SCD: variants seen among roughly 807,000 people sequenced by gnomAD.
SCD encodes acyl-CoA desaturase.
In SCD, 4 loss-of-function variants were observed where a neutral mutation model predicts 35.7. The observed-to-expected ratio is 0.11, with a 90% CI of 0.06 to 0.26. The LOEUF is 0.26. Among genes scored for constraint, SCD ranks in the 10% least tolerant of loss-of-function variants. The pLI, the probability that SCD is intolerant of heterozygous loss-of-function variation, is 1.00. For synonymous variants in SCD, 150 were observed against 170.2 expected (o/e 0.88, Z 0.92); for missense variants, 282 against 460.7 (o/e 0.61, Z 3.55).
rs200813016 is a variant in SCD, at chr10:100,364,527, T to A, written c.*3594T>A. 5.2e-5 allele frequency: 8 copies of A among 152,622 alleles called. No individual in the cohort carries two copies. Among genetic ancestry groups the A allele is most frequent in the Non-Finnish European group, 1.2e-4 (8 of 68,038 alleles). The allele number at this position is 152,622 out of a possible 1,614,324, so 9.5% of individuals were successfully genotyped here. ...GTCCACCATGAACTTGATACGTCCG[T>A]GTGTCCCAGATGCTGTCATTAGTCT... is the stretch of plus-strand genomic sequence containing the variant. On this transcript the variant is annotated 3_prime_UTR_variant, in exon 6 of 6. Coordinates refer to ENST00000370355, the MANE Select transcript of SCD (RefSeq NM_005063.5).
intron 4 of SCD, among the ~76,000 whole-genome samples, chr10:100,355,861 C>CT (rs1716468067): frequency 6.6e-6 from 1 of 152,116 alleles, no homozygotes; most frequent in South Asian, 2.1e-4. Context: ...ATCAAGGACA[C>CT]TCAATGGGTC....
In SCD at chr10:100,347,418, C is replaced by A. The variant is rs1849807718; in HGVS notation, c.-87C>A. ...CCGCGGCTCAGCGCGTACCGGCGGG[C>A]TTCGAAACCGCAGTCCTCCGGCGAC... On this transcript the variant is annotated 5_prime_UTR_variant, in exon 1 of 6. Transcript: ENST00000370355. 13 of 1,452,894 alleles carry A rather than the reference C, an allele frequency of 8.9e-6. No homozygotes were observed. Among genetic ancestry groups the A allele is most frequent in the Non-Finnish European group, 1.1e-5 (12 of 1,057,092 alleles). 90.0% of individuals were successfully genotyped at this position (1,452,894 alleles called of 1,614,324 possible).
chr10:100,354,582 G>A lies in SCD; in HGVS notation c.597G>A (p.Thr199=), dbSNP rs756517741. 7 of 1,614,068 alleles carry A rather than the reference G, an allele frequency of 4.3e-6. No homozygotes were observed. The Admixed American group carries it at 5.0e-5, about 12-fold the overall frequency. ...CAGCTGTCAAAGAGAAGGGGAGTACGCTAGACTTGTCTGACCTAGAAGCTG... is the reference window on the plus strand; with the variant it reads ...CAGCTGTCAAAGAGAAGGGGAGTACACTAGACTTGTCTGACCTAGAAGCTG... ...KHPAVKEKGS[T]LDLSDLEAEK... Residue 199 remains threonine (T), a synonymous_variant, in exon 4 of 6, where the codon ACG becomes ACA. Transcript: ENST00000370355.
chr10:100,350,867 G>A (rs1289234055), intron 2 of SCD, among the ~76,000 whole-genome samples: 1 of 152,156 alleles, frequency 6.6e-6, no homozygotes, highest in East Asian at 1.9e-4. Context: ...CAGATCACCT[G>A]GGGCCTCAGT....
chr10:100,362,547 C>T lies in SCD; in HGVS notation c.*1614C>T, dbSNP rs1194860082. On this transcript the variant is annotated 3_prime_UTR_variant, in exon 6 of 6. Coordinates refer to ENST00000370355, the MANE Select transcript of SCD (RefSeq NM_005063.5). ...CTTTCTCTTCCCTGAACGTTTTCTT[C>T]TTTCCCTGGACAGGCAGCCTCCTTT... 2.0e-5 allele frequency: 3 copies of T among 152,314 alleles called. No individual in the cohort carries two copies. The highest frequency in any genetic ancestry group is 4.8e-5 in the African/African-American group (2 of 41,444). The allele number at this position is 152,314 out of a possible 1,614,324, so 9.4% of individuals were successfully genotyped here. A position where few individuals can be genotyped will look rare whatever the true frequency, so the allele number is the denominator to read the frequency against.
intron 2 of SCD, among the ~76,000 whole-genome samples, chr10:100,349,635 C>T (rs750734710): frequency 6.6e-6 from 1 of 152,112 alleles, no homozygotes; most frequent in Non-Finnish European, 1.5e-5. Flanking sequence ...TTCTAGGTAC[C>T]ACCTGTGGGC....
chr10:100,354,337 G>A, intron 3 of SCD, 90 bp from the exon 4 acceptor site: 3 of 1,155,916 alleles, frequency 2.6e-6, no homozygotes, highest in Non-Finnish European at 3.9e-6. Context: ...GTTGGGCTGA[G>A]CGCCTTGGGC....
At position 100,356,909 on chromosome 10, in the gene SCD, T is replaced by A; in HGVS notation, c.880+145T>A. On this transcript the variant is annotated intron_variant, in intron 5 of 5. Transcript: ENST00000370355. The surrounding 1 kb of genome is among the most constrained non-coding windows in gnomAD (Gnocchi z 4.1). ...ACTATAAAATTAGGGGGCAGTATACTGGAAAACGCTTTTGAGAGTCAGGCA... is the reference window on the plus strand; with the variant it reads ...ACTATAAAATTAGGGGGCAGTATACAGGAAAACGCTTTTGAGAGTCAGGCA... 1 of 646,354 alleles carries A rather than the reference T, an allele frequency of 1.5e-6. No individual in the cohort carries two copies. 40.0% of individuals were successfully genotyped at this position (646,354 alleles called of 1,614,324 possible).
At chr10:100,353,492 G>A (rs567592154) in intron 3 of SCD, among the ~76,000 whole-genome samples, 5 of 151,706 alleles carry the variant, frequency 3.3e-5, no homozygotes, top group Admixed American at 3.3e-4. Flanking sequence ...GGCTGAGGCA[G>A]GAGAATGGTG....
intron 2 of SCD, among the ~76,000 whole-genome samples, chr10:100,348,636 T>G (rs960936276): frequency 6.6e-5 from 10 of 152,034 alleles, no homozygotes; most frequent in African/African-American, 2.2e-4. Context: ...TCTGTTTGAG[T>G]CATTTGCTTG....
rs1849810448 is a variant in SCD, at chr10:100,347,499, G to A, written c.-6G>A. 1.9e-6 allele frequency: 3 copies of A among 1,613,940 alleles called. No homozygotes were observed. The highest frequency in any genetic ancestry group is 2.5e-6 in the Non-Finnish European group (3 of 1,179,982). The stretch of plus-strand genomic sequence containing the variant: ...TGGAAAGTGATCCCGGCATCCGAGA[G>A]CCAAGATGCCGGCCCACTTGCTGCA... On this transcript the variant is annotated 5_prime_UTR_variant, in exon 1 of 6. Transcript: ENST00000370355.
chr10:100,363,429 A>C lies in SCD; in HGVS notation c.*2496A>C, dbSNP rs1589701233. ...GGCTACAGGGGTTAGCCTGGACTAA[A>C]GGCATCCTTGTCTTTTGAGCTATTC... On this transcript the variant is annotated 3_prime_UTR_variant, in exon 6 of 6. Coordinates refer to ENST00000370355, the MANE Select transcript of SCD (RefSeq NM_005063.5). 6.6e-6 allele frequency: 1 copy of C among 152,368 alleles called. No individual in the cohort carries two copies. The highest frequency in any genetic ancestry group is 1.9e-4 in the East Asian group (1 of 5,188). The allele number at this position is 152,368 out of a possible 1,614,324, so 9.4% of individuals were successfully genotyped here. A position where few individuals can be genotyped will look rare whatever the true frequency, so the allele number is the denominator to read the frequency against.
At chr10:100,359,646 C>A (rs1282455704) in intron 5 of SCD, among the ~76,000 whole-genome samples, 1 of 152,136 alleles carries the variant, frequency 6.6e-6, no homozygotes. Flanking sequence ...TTGAAATGCC[C>A]TAGATGATGT....
rs556438079 is a variant in SCD at position 100,347,558 on chromosome 10, C to T, written c.27+27C>T. On this transcript the variant is annotated intron_variant, in intron 1 of 5. Transcript: ENST00000370355. Reference sequence around the variant, plus strand: ...TGAGTTTCCCAGCCTGGCCCCGTACCGCCGGGTCGCAGGCGCGGGCTGGGC... The same window carrying T: ...TGAGTTTCCCAGCCTGGCCCCGTACTGCCGGGTCGCAGGCGCGGGCTGGGC... 74 of 1,612,956 alleles carry T rather than the reference C, an allele frequency of 4.6e-5. 1 individual carries two copies. The South Asian group carries it at 5.1e-4, about 11-fold the overall frequency.
In SCD at chr10:100,364,220, T is replaced by G. The variant is rs201681706; in HGVS notation, c.*3287T>G. ...TGGGTGTATTCTCTGTAAGTGTAGC[T>G]CAAATAGGTCATCATGAAAGGTTAA... On this transcript the variant is annotated 3_prime_UTR_variant, in exon 6 of 6. Transcript: ENST00000370355. The G allele has an allele frequency of 1.3e-5, 2 of 151,922 alleles. No homozygotes were observed. The highest frequency in any genetic ancestry group is 2.9e-5 in the Non-Finnish European group (2 of 68,000). 9.4% of individuals were successfully genotyped at this position (151,922 alleles called of 1,614,324 possible). A position where few individuals can be genotyped will look rare whatever the true frequency, so the allele number is the denominator to read the frequency against.
rs1399026653 is a variant in SCD, at chr10:100,362,418, G to A, written c.*1485G>A. ...AGAAGGGGGTCTCTGTTAACATCTA[G>A]CCTAAAGTATACAACTGCCTGGGGG... On this transcript the variant is annotated 3_prime_UTR_variant, in exon 6 of 6. Coordinates refer to ENST00000370355, the MANE Select transcript of SCD (RefSeq NM_005063.5). The A allele has an allele frequency of 2.6e-5, 4 of 152,110 alleles. No individual in the cohort carries two copies. The highest frequency in any genetic ancestry group is 4.8e-5 in the African/African-American group (2 of 41,416). 9.4% of individuals were successfully genotyped at this position (152,110 alleles called of 1,614,324 possible).
chr10:100,357,508 C>A (rs1042802481), intron 5 of SCD, among the ~76,000 whole-genome samples: 2 of 152,120 alleles, frequency 1.3e-5, no homozygotes, highest in African/African-American at 4.8e-5. Context: ...TTTCTCTCTT[C>A]TACTTCTATT....
chr10:100,358,508 C>T (rs1289898526), intron 5 of SCD, among the ~76,000 whole-genome samples: 9 of 147,236 alleles, frequency 6.1e-5, no homozygotes, highest in East Asian at 4.0e-4. Context: ...AGGAGAATGG[C>T]GTGAACCCGG....
At chr10:100,360,351 T>C (rs1849976967) in intron 5 of SCD, among the ~76,000 whole-genome samples, 1 of 152,208 alleles carries the variant, frequency 6.6e-6, no homozygotes, top group Non-Finnish European at 1.5e-5. Context: ...CTCTAGTCAT[T>C]TTATCCTCTG....
Sources: gnomAD v4.1 joint callset for allele counts (sites outside exome capture counted in the v4.1 genomes callset) on GRCh38, gnomAD v4.1.1 for gene constraint, Gnocchi (gnomAD v3.1) non-coding constraint, MANE v1.5 for transcripts, NCBI Gene and HGNC (gene_info 2026-07-23, HGNC 2026-07-21) for gene names.